XKR6: variants seen among roughly 807,000 people sequenced by gnomAD.
XKR6 encodes XK-related protein 6.
In XKR6, 22 loss-of-function variants were observed where a neutral mutation model predicts 56.7. The observed-to-expected ratio is 0.39, with a 90% CI of 0.28 to 0.55. The LOEUF (loss-of-function observed/expected upper bound fraction) is 0.55, where lower values mean the gene tolerates loss of function less well. XKR6 is among the 20% of genes least tolerant of loss of function. The pLI, the probability that XKR6 is intolerant of heterozygous loss-of-function variation, is 0.66. For missense variants in XKR6, 852 were observed against 889.0 expected (o/e 0.96, Z 0.53); for synonymous variants, 524 against 387.8 (o/e 1.35, Z -4.13).
chr8:11,027,548 A>T (rs780190090), intron 1 of XKR6, among the ~76,000 whole-genome samples: 3 of 152,202 alleles, frequency 2.0e-5, no homozygotes, highest in Non-Finnish European at 4.4e-5. Context: ...TTTTACAGTC[A>T]AGCTAATTGA....
chr8:10,930,573 A>T (rs925328266), intron 1 of XKR6, among the ~76,000 whole-genome samples: 1 of 152,238 alleles, frequency 6.6e-6, no homozygotes, highest in South Asian at 2.1e-4. Flanking sequence ...AATTAAATCC[A>T]GTAATATATG....
chr8:11,152,398 C>A (rs967967643), intron 1 of XKR6, among the ~76,000 whole-genome samples: 2 of 151,880 alleles, frequency 1.3e-5, no homozygotes, highest in Non-Finnish European at 2.9e-5. Context: ...TAAAGCTAAG[C>A]GAATATACTG....
intron 1 of XKR6, among the ~76,000 whole-genome samples, chr8:11,148,029 G>A (rs1046838632): frequency 3.3e-5 from 5 of 152,058 alleles, no homozygotes; most frequent in African/African-American, 1.2e-4. Flanking sequence ...GACCAACATG[G>A]TGAAACCCTA....
intron 1 of XKR6, among the ~76,000 whole-genome samples, chr8:11,048,566 G>A (rs1799466925): frequency 1.3e-5 from 2 of 152,212 alleles, no homozygotes; most frequent in Non-Finnish European, 2.9e-5. Flanking sequence ...GTGCCTCGGC[G>A]AAACCTGGAG....
intron 1 of XKR6, among the ~76,000 whole-genome samples, chr8:11,010,260 C>G (rs1297536028): frequency 6.6e-6 from 1 of 152,152 alleles, no homozygotes; most frequent in Non-Finnish European, 1.5e-5. Context: ...GAAGTCCACC[C>G]CCATGATCCA....
Position 11,200,805 on chromosome 8 carries a change from G to C in XKR6, c.535C>G (p.Leu179Val). The C allele has an allele frequency of 6.2e-7, 1 of 1,611,584 alleles. No individual in the cohort carries two copies. Among genetic ancestry groups the C allele is most frequent in the South Asian group, 1.1e-5 (1 of 90,960 alleles). The stretch of plus-strand genomic sequence containing the variant: ...TCCTGCACGAACCAGCGGAAGCTCA[G>C]GCTCTGCACCAGCAGCGACGGCACC... The part of the protein sequence containing the change: ...VLVPSLLVQS[L>V]SFRWFVQDYT... Residue 179 changes from leucine to valine, a missense_variant, in exon 1 of 3, where the codon CTG becomes GTG. Coordinates refer to ENST00000416569, the MANE Select transcript of XKR6 (RefSeq NM_173683.4). The surrounding 1 kb of genome is among the most constrained non-coding windows in gnomAD (Gnocchi z 6.4).
intron 1 of XKR6, among the ~76,000 whole-genome samples, chr8:11,081,529 T>C (rs1370392065): frequency 6.6e-6 from 1 of 152,224 alleles, no homozygotes; most frequent in Non-Finnish European, 1.5e-5. Flanking sequence ...AGAAATTAAA[T>C]GCATCTGCCT....
intron 1 of XKR6, chr8:11,035,329 G>T (rs1208583560): frequency 7.5e-6 from 4 of 534,632 alleles, no homozygotes; most frequent in Non-Finnish European, 1.5e-5. Flanking sequence ...GGCAGCTTGG[G>T]CCCCCACTGG....
At chr8:11,056,149 G>C (rs1371069912) in intron 1 of XKR6, among the ~76,000 whole-genome samples, 1 of 152,194 alleles carries the variant, frequency 6.6e-6, no homozygotes, top group Non-Finnish European at 1.5e-5. Flanking sequence ...CCTCCTCTAG[G>C]AGCGCTAGAT....
At chr8:10,917,944 A>G (rs6601538) in intron 2 of XKR6, among the ~76,000 whole-genome samples, 29,830 of 152,136 alleles carry the variant, frequency 0.2, 3,234 homozygotes, top group Non-Finnish European at 0.21. Flanking sequence ...GAGACAGGTA[A>G]ACAGGCAGCC....
intron 1 of XKR6, among the ~76,000 whole-genome samples, chr8:11,199,805 C>G (rs1385562956): frequency 6.6e-6 from 1 of 152,176 alleles, no homozygotes; most frequent in Non-Finnish European, 1.5e-5. Flanking sequence ...ATATAAATCA[C>G]TTACACACTG....
chr8:11,043,805 A>C (rs1799343419), intron 1 of XKR6, among the ~76,000 whole-genome samples: 1 of 152,230 alleles, frequency 6.6e-6, no homozygotes, highest in African/African-American at 2.4e-5. Context: ...CACTAGAAAC[A>C]ACTGACCAGC....
chr8:10,968,356 T>C (rs1390451041), intron 1 of XKR6, among the ~76,000 whole-genome samples: 1 of 152,240 alleles, frequency 6.6e-6, no homozygotes, highest in Non-Finnish European at 1.5e-5. Flanking sequence ...ATAAGTTAAA[T>C]GAATCAGTAG....
At chr8:11,058,824 G>T (rs1047540742) in intron 1 of XKR6, among the ~76,000 whole-genome samples, 1 of 152,198 alleles carries the variant, frequency 6.6e-6, no homozygotes, top group Non-Finnish European at 1.5e-5. Context: ...TGCATGTTCT[G>T]CACATGTATC....
chr8:11,108,534 A>G (rs11984728), intron 1 of XKR6: 17,378 of 362,698 alleles, frequency 0.048, 2,057 homozygotes, highest in African/African-American at 0.29. Context: ...GGCATTGCCT[A>G]GGAGGACTGT....
intron 1 of XKR6, among the ~76,000 whole-genome samples, chr8:10,994,080 C>T (rs1471953837): frequency 1.3e-5 from 2 of 152,188 alleles, no homozygotes; most frequent in African/African-American, 2.4e-5. Flanking sequence ...GAAAGTCTTG[C>T]CACCCCCTGA....
chr8:11,191,077 G>C (rs560738072), intron 1 of XKR6, among the ~76,000 whole-genome samples: 1 of 152,266 alleles, frequency 6.6e-6, no homozygotes, highest in East Asian at 1.9e-4. Flanking sequence ...GGGGGCCTTA[G>C]GAGGCACTTT....
intron 1 of XKR6, among the ~76,000 whole-genome samples, chr8:11,179,918 A>T (rs537471010): frequency 9.1e-4 from 138 of 152,276 alleles, no homozygotes; most frequent in Middle Eastern, 3.4e-3. Context: ...GAATTGCTCA[A>T]GCCCAGGAGT....
Position 11,200,983 on chromosome 8 carries a change from C to G in XKR6, c.357G>C (p.Pro119=), listed in dbSNP as rs781213895. The change falls in exon 1 of 3, where the codon CCG becomes CCC. Residue 119 remains proline, a synonymous_variant. Coordinates refer to ENST00000416569, the MANE Select transcript of XKR6 (RefSeq NM_173683.4). This position sits in a 1 kb window ranked among gnomAD's most constrained non-coding sequence, Gnocchi z 6.4. ...TPSAARPEPP[P]PQVERPWLDC... Reference sequence around the variant, plus strand: ...CGAGCCACGGCCGCTCCACCTGCGGCGGCGGCGGCTCCGGCCGCGCGGCCG... The same window carrying G: ...CGAGCCACGGCCGCTCCACCTGCGGGGGCGGCGGCTCCGGCCGCGCGGCCG... 1.3e-6 allele frequency: 2 copies of G among 1,484,240 alleles called. No homozygotes were observed. Among genetic ancestry groups the G allele is most frequent in the East Asian group, 2.7e-5 (1 of 36,604 alleles). 91.9% of individuals were successfully genotyped at this position (1,484,240 alleles called of 1,614,324 possible). A position where few individuals can be genotyped will look rare whatever the true frequency, so the allele number is the denominator to read the frequency against.
Sources: gnomAD v4.1 joint callset for allele counts (sites outside exome capture counted in the v4.1 genomes callset) on GRCh38, gnomAD v4.1.1 for gene constraint, Gnocchi (gnomAD v3.1) non-coding constraint, MANE v1.5 for transcripts, NCBI Gene and HGNC (gene_info 2026-07-23, HGNC 2026-07-21) for gene names.